SKAP2: variants seen among roughly 807,000 people sequenced by gnomAD.
SKAP2 encodes src kinase associated phosphoprotein 2.
SKAP2 carries 28 observed loss-of-function variants against 54.9 expected under a neutral mutation model. The ratio of observed to expected loss-of-function variants is 0.51; its 90% CI spans 0.38 to 0.70. SKAP2 has a LOEUF of 0.70. Among genes scored for constraint, SKAP2 ranks in the 30% least tolerant of loss-of-function variants. The pLI is 0.00. For missense variants in SKAP2, 356 were observed against 424.1 expected (o/e 0.84, Z 1.41); for synonymous variants, 137 against 134.3 (o/e 1.02, Z -0.14).
chr7:26,695,538 A>G (rs1037181074), intron 9 of SKAP2, among the ~76,000 whole-genome samples: 1 of 152,198 alleles, frequency 6.6e-6, no homozygotes, highest in Admixed American at 6.5e-5. Flanking sequence ...CCTTAACTCT[A>G]AGCCACAGTG....
intron 11 of SKAP2, 72 bp downstream of exon 11, chr7:26,684,664 T>C (rs1786588223): frequency 3.4e-6 from 3 of 892,622 alleles, no homozygotes; most frequent in South Asian, 1.4e-5. Context: ...CCTAGCTCTG[T>C]AAATCCAAAT....
At chr7:26,716,150 AGATTAT>A (rs1787431869) in intron 9 of SKAP2, among the ~76,000 whole-genome samples, 1 of 152,202 alleles carries the variant, frequency 6.6e-6, no homozygotes. Flanking sequence ...TCTTTTTGAT[AGATTAT>A]TAATTTTGTG....
chr7:26,778,167 T>C (rs1413516705), intron 4 of SKAP2, among the ~76,000 whole-genome samples: 2 of 152,016 alleles, frequency 1.3e-5, no homozygotes, highest in Non-Finnish European at 2.9e-5. Context: ...TATTGGTATA[T>C]ACGAAAGCAC....
At chr7:26,746,395 T>C (rs1562595432) in intron 4 of SKAP2, among the ~76,000 whole-genome samples, 6 of 152,170 alleles carry the variant, frequency 3.9e-5, no homozygotes, top group African/African-American at 1.4e-4. Context: ...GTTTTAAGTA[T>C]AAAAATTCAC....
chr7:26,686,066 G>C (rs966284751), intron 10 of SKAP2, among the ~76,000 whole-genome samples: 3 of 152,044 alleles, frequency 2.0e-5, no homozygotes, highest in African/African-American at 7.2e-5. Context: ...CATGTCATTA[G>C]GGTGTTCATC....
chr7:26,751,040 T>C (rs1782670536), intron 4 of SKAP2, among the ~76,000 whole-genome samples: 1 of 152,174 alleles, frequency 6.6e-6, no homozygotes, highest in Non-Finnish European at 1.5e-5. Flanking sequence ...TTTTTATTAA[T>C]TTATTTTTCC....
chr7:26,666,557 G>A (rs796155371), downstream of SKAP2, among the ~76,000 whole-genome samples: 12 of 152,194 alleles, frequency 7.9e-5, no homozygotes, highest in African/African-American at 2.9e-4. Context: ...TGTAATGATA[G>A]CAAAAAGTGA....
chr7:26,764,748 T>A (rs1190718740), intron 4 of SKAP2, among the ~76,000 whole-genome samples: 1 of 152,184 alleles, frequency 6.6e-6, no homozygotes. Context: ...ACACGGGGTT[T>A]CACTGTGTTA....
intron 1 of SKAP2, among the ~76,000 whole-genome samples, chr7:26,861,363 TTTTTC>T (rs1182293643): frequency 4.6e-5 from 7 of 152,132 alleles, no homozygotes; most frequent in African/African-American, 1.7e-4. Flanking sequence ...GCTAAACCTG[TTTTTC>T]CATTGTTGTA....
chr7:26,746,099 C>T lies in SKAP2; in HGVS notation c.308-6135G>A, dbSNP rs865930789. On this transcript the variant is annotated intron_variant, in intron 4 of 12. Coordinates refer to ENST00000345317, the MANE Select transcript of SKAP2 (RefSeq NM_003930.5). ...AATTTTGTATAAAGGTGGAGAAATG[C>T]TTTCTGTTTTGCTTCCACTATCCTT... 5.3e-5 allele frequency among the ~76,000 whole-genome samples: 8 copies of T among 152,242 alleles called. No individual in the cohort carries two copies. In the South Asian group the frequency reaches 1.7e-3, roughly 32 times the overall value.
chr7:26,813,903 G>A (rs941359381), intron 4 of SKAP2, among the ~76,000 whole-genome samples: 1 of 152,170 alleles, frequency 6.6e-6, no homozygotes, highest in South Asian at 2.1e-4. Context: ...AAAGAAAAAT[G>A]TTCTACTGTC....
chr7:26,824,116 A>C (rs1447751398), intron 4 of SKAP2, among the ~76,000 whole-genome samples: 1 of 152,100 alleles, frequency 6.6e-6, no homozygotes, highest in Non-Finnish European at 1.5e-5. Flanking sequence ...CAATGAATCA[A>C]TCAATTCATT....
intron 11 of SKAP2, among the ~76,000 whole-genome samples, chr7:26,674,642 T>C (rs753626891): frequency 1.7e-4 from 26 of 152,302 alleles, no homozygotes; most frequent in Non-Finnish European, 2.4e-4. Context: ...AGGAACCTGA[T>C]TGAAGACACT....
intron 4 of SKAP2, among the ~76,000 whole-genome samples, chr7:26,743,694 A>C (rs1782503692): frequency 6.6e-6 from 1 of 152,190 alleles, no homozygotes; most frequent in Non-Finnish European, 1.5e-5. Context: ...ACTTTTCTAA[A>C]GCAGCTCAAA....
Position 26,703,386 on chromosome 7 carries a change from G to A in SKAP2, c.797-13024C>T, listed in dbSNP as rs529127219. ...TTTCAGTGTTCTATCATTATTTGAA[G>A]GTAAGTACATTTTAAGCTTCAAAAT... On this transcript the variant is annotated intron_variant, in intron 9 of 12. Transcript: ENST00000345317. 7.0e-4 allele frequency among the ~76,000 whole-genome samples: 107 copies of A among 152,096 alleles called. 4 individuals are homozygous for A. In the South Asian group the frequency reaches 0.022, roughly 31 times the overall value.
intron 4 of SKAP2, among the ~76,000 whole-genome samples, chr7:26,809,144 T>C (rs1784086461): frequency 6.6e-6 from 1 of 152,194 alleles, no homozygotes; most frequent in Non-Finnish European, 1.5e-5. Flanking sequence ...CCGGGCGCGG[T>C]GGCTCACGCC....
At chr7:26,685,584 T>A (rs1349893997) in intron 10 of SKAP2, among the ~76,000 whole-genome samples, 1 of 152,192 alleles carries the variant, frequency 6.6e-6, no homozygotes, top group Non-Finnish European at 1.5e-5. Context: ...CACTGGAGTA[T>A]CAGCTCATCC....
chr7:26,795,752 A>ACT (rs1465930122), intron 4 of SKAP2, among the ~76,000 whole-genome samples: 2 of 152,232 alleles, frequency 1.3e-5, no homozygotes, highest in African/African-American at 4.8e-5. Flanking sequence ...TTAGTAAGTC[A>ACT]CTTAACTCTT....
chr7:26,675,109 C>T (rs1483137729), intron 11 of SKAP2, among the ~76,000 whole-genome samples: 3 of 152,156 alleles, frequency 2.0e-5, no homozygotes, highest in Non-Finnish European at 2.9e-5. Flanking sequence ...TGGATTACTG[C>T]ATTATCAATG....
Sources: allele counts gnomAD v4.1 joint callset (sites outside exome capture counted in the v4.1 genomes callset), GRCh38; gene constraint gnomAD v4.1.1; transcripts MANE v1.5; gene names NCBI Gene and HGNC (gene_info 2026-07-23, HGNC 2026-07-21).